The following IAPP variants were observed in gnomAD, a reference collection of about 807,000 sequenced individuals.
IAPP encodes the protein islet amyloid polypeptide.
IAPP carries 4 observed loss-of-function variants against 2.9 expected under a neutral mutation model. The ratio of observed to expected loss-of-function variants is 1.39; its 90% CI spans 0.69 to 3.19. The LOEUF (loss-of-function observed/expected upper bound fraction) is 3.19. Ranked by LOEUF, IAPP falls within the 30% of genes most tolerant of loss-of-function variation. The pLI is 0.01. For missense variants in IAPP, 114 were observed against 105.3 expected, an observed-to-expected ratio of 1.08 and a Z score of -0.36; for synonymous variants, 40 against 42.1, an observed-to-expected ratio of 0.95 and a Z score of 0.19.
intron 2 of IAPP, chr12:21,373,778 G>A (rs1158118003): frequency 3.0e-6 from 2 of 675,778 alleles, no homozygotes; most frequent in South Asian, 3.2e-5. Context: ...ACAAACCAGA[G>A]AAACTTAACT....
chr12:21,355,107 T>C (rs1938260377), intron 1 of IAPP: 1 of 152,170 alleles, frequency 6.6e-6, no homozygotes, highest in South Asian at 2.1e-4. Context: ...AGATACTACT[T>C]TTCTTTATCA....
intron 2 of IAPP, among the ~76,000 whole-genome samples, chr12:21,377,609 T>C (rs1017894736): frequency 1.3e-5 from 2 of 152,158 alleles, no homozygotes; most frequent in Non-Finnish European, 2.9e-5. Flanking sequence ...ACTCTTTAAC[T>C]CATGAATTTG....
chr12:21,369,613 A>AAAGTTGCG (rs1385209608), upstream of IAPP, among the ~76,000 whole-genome samples: 4 of 152,200 alleles, frequency 2.6e-5, no homozygotes, highest in Non-Finnish European at 2.9e-5. Flanking sequence ...CTGATGTTTT[A>AAAGTTGCG]AAGTTGCGGG....
chr12:21,374,439 T>G (rs555818698), intron 2 of IAPP: 3 of 152,290 alleles, frequency 2.0e-5, no homozygotes, highest in African/African-American at 7.2e-5. Flanking sequence ...ATTCTTCTCA[T>G]TAGAATGATC....
intron 2 of IAPP, among the ~76,000 whole-genome samples, 153 bp from the exon 3 acceptor site, chr12:21,378,084 C>G (rs1467197363): frequency 1.3e-5 from 2 of 152,118 alleles, no homozygotes; most frequent in Non-Finnish European, 2.9e-5. Context: ...AAAAAAATCT[C>G]AGCCATCTAG....
upstream of IAPP, among the ~76,000 whole-genome samples, chr12:21,367,967 CAAAT>C (rs1939513926): frequency 1.3e-5 from 2 of 152,090 alleles, no homozygotes; most frequent in African/African-American, 4.8e-5. Flanking sequence ...TAATAAATGA[CAAAT>C]GAATGACAGA....
At chr12:21,376,466 C>T (rs1461289255) in intron 2 of IAPP, 1 of 178,356 alleles carries the variant, frequency 5.6e-6, no homozygotes, top group African/African-American at 2.4e-5. Flanking sequence ...TTTATGGTAC[C>T]TTCAAAAATA....
At chr12:21,374,135 G>C (rs889552176) in intron 2 of IAPP, among the ~76,000 whole-genome samples, 11 of 152,130 alleles carry the variant, frequency 7.2e-5, no homozygotes, top group Admixed American at 2.6e-4. Context: ...TTCCTGGGAA[G>C]TCTTATTACG....
intron 2 of IAPP, chr12:21,374,529 C>T (rs926674578): frequency 2.6e-5 from 4 of 152,132 alleles, no homozygotes; most frequent in African/African-American, 9.7e-5. Flanking sequence ...ACAGCACCTA[C>T]GTATAATAAA....
intron 1 of IAPP, among the ~76,000 whole-genome samples, chr12:21,362,909 C>T (rs1939042821): frequency 6.6e-6 from 1 of 152,100 alleles, no homozygotes; most frequent in Admixed American, 6.6e-5. Flanking sequence ...TCATTAGAGA[C>T]CTACAAAGAG....
chr12:21,373,980 G>C (rs1939997476), intron 2 of IAPP, among the ~76,000 whole-genome samples: 1 of 152,168 alleles, frequency 6.6e-6, no homozygotes, highest in African/African-American at 2.4e-5. Context: ...GCCATTTGCT[G>C]TTGGGGGATT....
intron 1 of IAPP, among the ~76,000 whole-genome samples, chr12:21,355,496 A>G (rs1938293739): frequency 6.6e-6 from 1 of 152,152 alleles, no homozygotes; most frequent in African/African-American, 2.4e-5. Flanking sequence ...ATACTGATAC[A>G]AGGCCTAGGA....
At chr12:21,366,893 G>A (rs919480444) in intron 1 of IAPP, among the ~76,000 whole-genome samples, 4 of 151,896 alleles carry the variant, frequency 2.6e-5, no homozygotes, top group South Asian at 2.1e-4. Flanking sequence ...TAATAAAAGC[G>A]TTTTGGGAGA....
chr12:21,370,676 G>T (rs550756829), upstream of IAPP, among the ~76,000 whole-genome samples: 12 of 152,062 alleles, frequency 7.9e-5, no homozygotes, highest in African/African-American at 2.4e-4. Context: ...AACAAAAAAG[G>T]TTATGAAAAT....
intron 1 of IAPP, among the ~76,000 whole-genome samples, chr12:21,356,066 G>A (rs1464800800): frequency 6.6e-6 from 1 of 152,016 alleles, no homozygotes; most frequent in Non-Finnish European, 1.5e-5. Context: ...CCTGTATAAT[G>A]TAGTGATAGA....
At chr12:21,373,105 T>C (rs1250481640) in intron 1 of IAPP, 101 bp downstream of exon 1, 2 of 532,956 alleles carry the variant, frequency 3.8e-6, no homozygotes, top group Non-Finnish European at 6.7e-6. Context: ...AAAGGGAGAA[T>C]GTATTACAAT....
At chr12:21,368,187 G>A (rs550973157), upstream of IAPP, among the ~76,000 whole-genome samples, 52 of 152,182 alleles carry the variant, frequency 3.4e-4, no homozygotes, top group Non-Finnish European at 6.3e-4. Flanking sequence ...ACAGCATCAC[G>A]TGAGACATAT....
upstream of IAPP, among the ~76,000 whole-genome samples, chr12:21,368,876 G>C (rs1843187789): frequency 6.6e-6 from 1 of 152,068 alleles, no homozygotes; most frequent in Non-Finnish European, 1.5e-5. Context: ...GAGGAGAGCT[G>C]AATCTTCTTC....
chr12:21,355,640 A>C lies in IAPP; in HGVS notation c.-16+627A>C, dbSNP rs193267690. ...ATTCTGTATAGTGGCAATGCAACCA[A>C]ATCTTTTCTCAGGGAATATTTCCAA... is the stretch of plus-strand genomic sequence containing the variant. On this transcript the variant is annotated intron_variant, in intron 1 of 2. Transcript: ENST00000539393. Among the ~76,000 whole-genome samples, 532 of 152,276 alleles carry C rather than the reference A, an allele frequency of 3.5e-3. 1 individual carries two copies. Among genetic ancestry groups the C allele is most frequent in the Non-Finnish European group, 3.9e-3 (264 of 68,014 alleles).
Sources: gnomAD v4.1 joint callset for allele counts (sites outside exome capture counted in the v4.1 genomes callset) on GRCh38, gnomAD v4.1.1 for gene constraint, MANE v1.5 for transcripts, NCBI Gene and HGNC (gene_info 2026-07-23, HGNC 2026-07-21) for gene names.